Variants in RELL1 observed in about 807,000 individuals in gnomAD.
RELL1 encodes the protein RELT like 1, also known as RELT-like protein 1.
Under a neutral mutation model 23.0 loss-of-function variants are expected in RELL1, and 10 were observed. The ratio of observed to expected loss-of-function variants is 0.43; its 90% confidence interval spans 0.27 to 0.74. The LOEUF (loss-of-function observed/expected upper bound fraction) is 0.74, where lower values mean the gene tolerates loss of function less well. Among genes scored for constraint, RELL1 ranks in the 30% least tolerant of loss-of-function variants. The pLI, the probability that RELL1 is intolerant of heterozygous loss-of-function variation, is 0.19. For missense variants in RELL1, 315 were observed against 364.4 expected (o/e 0.86, Z 1.10); for synonymous variants, 146 against 146.8 (o/e 0.99, Z 0.04).
chr4:37,603,263 C>T (rs1023345334), intron 6 of RELL1, among the ~76,000 whole-genome samples: 9 of 152,276 alleles, frequency 5.9e-5, no homozygotes, highest in East Asian at 1.9e-4. Context: ...GCAGCCACAC[C>T]ACCCCCTGGC....
chr4:37,666,546 G>A (rs1721539890), intron 1 of RELL1, among the ~76,000 whole-genome samples: 1 of 152,218 alleles, frequency 6.6e-6, no homozygotes, highest in Non-Finnish European at 1.5e-5. Flanking sequence ...ATTATTATCT[G>A]TGGTAATAAG....
chr4:37,626,243 C>T (rs1318054752), intron 6 of RELL1, among the ~76,000 whole-genome samples: 3 of 151,984 alleles, frequency 2.0e-5, no homozygotes, highest in South Asian at 2.1e-4. Context: ...TTTGGGAGGC[C>T]GAGGCAGGTG....
intron 6 of RELL1, among the ~76,000 whole-genome samples, chr4:37,598,807 C>T (rs1718944399): frequency 1.3e-5 from 2 of 152,112 alleles, no homozygotes; most frequent in Non-Finnish European, 2.9e-5. Flanking sequence ...GTCTCAGCCT[C>T]CCGAGTAGCT....
intron 1 of RELL1, among the ~76,000 whole-genome samples, chr4:37,683,802 C>A (rs1220923412): frequency 6.6e-6 from 1 of 151,600 alleles, no homozygotes; most frequent in Non-Finnish European, 1.5e-5. Context: ...AAAAATGCGG[C>A]CGGGCGCGGT....
At chr4:37,667,007 C>T (rs1030853968) in intron 1 of RELL1, among the ~76,000 whole-genome samples, 2 of 152,006 alleles carry the variant, frequency 1.3e-5, no homozygotes, top group African/African-American at 2.4e-5. Flanking sequence ...GTGAAGTCCC[C>T]GCTACTGCTG....
chr4:37,604,104 G>A (rs1719087082), intron 6 of RELL1, among the ~76,000 whole-genome samples: 1 of 152,250 alleles, frequency 6.6e-6, no homozygotes, highest in Admixed American at 6.5e-5. Flanking sequence ...CTGCCAGGGT[G>A]GGGAGCTTGC....
chr4:37,618,862 G>A (rs769478623), intron 6 of RELL1, among the ~76,000 whole-genome samples: 7 of 145,496 alleles, frequency 4.8e-5, no homozygotes, highest in Non-Finnish European at 9.3e-5. Context: ...TTGGTTGGTT[G>A]GTCGTTTTTC....
At chr4:37,598,605 C>G (rs1457460090) in intron 6 of RELL1, among the ~76,000 whole-genome samples, 1 of 152,064 alleles carries the variant, frequency 6.6e-6, no homozygotes, top group African/African-American at 2.4e-5. Flanking sequence ...AAAATGGAGG[C>G]TCAAACAGCT....
In RELL1 at chr4:37,602,221, CAAAAAAA is replaced by C. The variant is rs11410477; in HGVS notation, c.*4-11011_*4-11005del. The stretch of plus-strand genomic sequence containing the variant: ...GACAGAGTGAGACTCTGTCTCAAAC[CAAAAAAA>C]AAAAAAAAAAAGCAACCAGCACTGC... On this transcript the variant is annotated intron_variant, in intron 6 of 6. Coordinates refer to the RELL1 transcript ENST00000314117. Among the ~76,000 whole-genome samples, 104 of 96,738 alleles carry C rather than the reference CAAAAAAA, an allele frequency of 1.1e-3. 1 individual carries two copies. In the East Asian group the frequency reaches 0.03, roughly 28 times the overall value. 63.5% of individuals were successfully genotyped at this position (96,738 alleles called of 152,430 possible). A position where few individuals can be genotyped will look rare whatever the true frequency, so the allele number is the denominator to read the frequency against.
At position 37,598,990 on chromosome 4, in the gene RELL1, C is replaced by T. The variant is rs117422616; in HGVS notation, c.*4-7773G>A. Among the ~76,000 whole-genome samples, 138 of 152,142 alleles carry T rather than the reference C, an allele frequency of 9.1e-4. 2 individuals carry two copies. In the East Asian group the frequency reaches 0.025, roughly 28 times the overall value. ...GTGAGCCACCGCGCCTGGCCCAAAC[C>T]TGTGCTTTTAAAGGTGACATAATAT... On this transcript the variant is annotated intron_variant, in intron 6 of 6. Transcript: ENST00000314117.
chr4:37,680,443 C>T (rs1577613443), intron 1 of RELL1, among the ~76,000 whole-genome samples: 1 of 152,220 alleles, frequency 6.6e-6, no homozygotes, highest in East Asian at 1.9e-4. Context: ...AAATAATGAG[C>T]AACTGAAATC....
chr4:37,679,058 C>G (rs1722117833), intron 1 of RELL1, among the ~76,000 whole-genome samples: 1 of 152,130 alleles, frequency 6.6e-6, no homozygotes, highest in African/African-American at 2.4e-5. Context: ...AATGGAAAAC[C>G]AGGTCCTCTG....
At chr4:37,638,731 G>A (rs542702420) in intron 3 of RELL1, among the ~76,000 whole-genome samples, 2 of 152,174 alleles carry the variant, frequency 1.3e-5, no homozygotes, top group African/African-American at 4.8e-5. Context: ...AAGAATCTAT[G>A]GCAAGGAGAG....
At chr4:37,675,761 G>C (rs1223099502) in intron 1 of RELL1, among the ~76,000 whole-genome samples, 2 of 152,194 alleles carry the variant, frequency 1.3e-5, no homozygotes, top group Non-Finnish European at 2.9e-5. Context: ...ACAGCCCCAA[G>C]AAGAGGAGAG....
chr4:37,595,777 G>C (rs916447473), intron 6 of RELL1, among the ~76,000 whole-genome samples: 3 of 152,158 alleles, frequency 2.0e-5, no homozygotes, highest in Non-Finnish European at 4.4e-5. Context: ...TTGGTCTCTA[G>C]AATGAGTCCA....
intron 1 of RELL1, among the ~76,000 whole-genome samples, chr4:37,654,235 TA>T (rs1421004506): frequency 6.6e-6 from 1 of 152,202 alleles, no homozygotes; most frequent in East Asian, 1.9e-4. Flanking sequence ...TGAATTTAAA[TA>T]AAATTAAAAA....
At chr4:37,632,477 GT>G (rs1720177371) in intron 5 of RELL1, among the ~76,000 whole-genome samples, 1 of 152,164 alleles carries the variant, frequency 6.6e-6, no homozygotes, top group African/African-American at 2.4e-5. Flanking sequence ...GCCTACATCA[GT>G]TTTTTTAACC....
chr4:37,683,086 C>T (rs1258882175), intron 1 of RELL1, among the ~76,000 whole-genome samples: 3 of 152,168 alleles, frequency 2.0e-5, no homozygotes, highest in Non-Finnish European at 4.4e-5. Context: ...TTGCCACTAC[C>T]CACCGTGAAG....
intron 6 of RELL1, among the ~76,000 whole-genome samples, chr4:37,604,852 G>GAC (rs1560323807): frequency 2.2e-4 from 6 of 26,986 alleles, no homozygotes; most frequent in Non-Finnish European, 3.9e-4. Flanking sequence ...CACACACACA[G>GAC]ACACACACAC....
Sources: gnomAD v4.1 joint callset for allele counts (sites outside exome capture counted in the v4.1 genomes callset) on GRCh38, gnomAD v4.1.1 for gene constraint, MANE v1.5 for transcripts, NCBI Gene and HGNC (gene_info 2026-07-23, HGNC 2026-07-21) for gene names.